The following PRKG1 variants were observed in gnomAD, a reference collection of about 807,000 sequenced individuals.
The protein encoded by PRKG1 is protein kinase cGMP-dependent 1.
A neutral mutation model predicts 88.1 loss-of-function variants in PRKG1; 35 were observed. The observed-to-expected ratio is 0.40, with a 90% CI of 0.30 to 0.53. PRKG1 has a LOEUF of 0.53. PRKG1 is among the 20% of genes least tolerant of loss of function. PRKG1 has a pLI of 0.59. For synonymous variants in PRKG1, 303 were observed against 292.5 expected (o/e 1.04, Z -0.37); for missense variants, 540 against 839.8 (o/e 0.64, Z 4.41).
chr10:51,699,982 A>G (rs1193212621), intron 3 of PRKG1, among the ~76,000 whole-genome samples: 2 of 152,256 alleles, frequency 1.3e-5, no homozygotes, highest in Non-Finnish European at 2.9e-5. Context: ...AAGCGGATTT[A>G]AGGCGGCGTG....
chr10:51,604,295 C>T (rs1392314172), intron 3 of PRKG1, among the ~76,000 whole-genome samples: 1 of 152,098 alleles, frequency 6.6e-6, no homozygotes, highest in Non-Finnish European at 1.5e-5. Flanking sequence ...CTGAAACTTG[C>T]TCTGATTCTT....
intron 2 of PRKG1, among the ~76,000 whole-genome samples, chr10:51,356,057 C>T (rs1486198226): frequency 2.0e-5 from 3 of 151,996 alleles, no homozygotes; most frequent in Non-Finnish European, 2.9e-5. Context: ...TAACATTTTT[C>T]CTCCCATCAT....
intron 2 of PRKG1, among the ~76,000 whole-genome samples, chr10:51,454,568 A>G (rs995403737): frequency 6.6e-6 from 1 of 152,204 alleles, no homozygotes; most frequent in African/African-American, 2.4e-5. Flanking sequence ...TTATAAGGAA[A>G]AGAGGTTTAA....
Position 52,268,810 on chromosome 10 carries a change from A to G in PRKG1, c.1174-2540A>G, listed in dbSNP as rs140352230. ...GAAAAAGCAACATTTGATTTGCCCT[A>G]TTCAGTAGAGATTGCTGGGTACAAG... On this transcript the variant is annotated intron_variant, in intron 10 of 17. Coordinates refer to ENST00000373980, the MANE Select transcript of PRKG1 (RefSeq NM_006258.4). Among the ~76,000 whole-genome samples the G allele has an allele frequency of 6.4e-3, 970 of 152,156 alleles. 12 individuals are homozygous for G. The highest frequency in any genetic ancestry group is 0.022 in the African/African-American group (927 of 41,542).
intron 2 of PRKG1, among the ~76,000 whole-genome samples, chr10:51,357,715 G>GA (rs889760944): frequency 3.5e-4 from 53 of 151,736 alleles, no homozygotes; most frequent in African/African-American, 1.3e-3. Flanking sequence ...ACTTTAATGA[G>GA]AAAAAAAATT....
chr10:51,579,076 G>T (rs550848133), intron 3 of PRKG1, among the ~76,000 whole-genome samples: 1 of 148,284 alleles, frequency 6.7e-6, no homozygotes, highest in African/African-American at 2.5e-5. Flanking sequence ...CTGCCTCCTG[G>T]GTTCAAGCGA....
At chr10:51,733,158 T>C (rs1458342888) in intron 3 of PRKG1, among the ~76,000 whole-genome samples, 2 of 152,206 alleles carry the variant, frequency 1.3e-5, no homozygotes, top group Non-Finnish European at 2.9e-5. Context: ...ATGACCTAAT[T>C]ACTTCTCAAA....
chr10:51,447,470 G>A (rs987081580), intron 2 of PRKG1, among the ~76,000 whole-genome samples: 1 of 151,956 alleles, frequency 6.6e-6, no homozygotes, highest in Non-Finnish European at 1.5e-5. Flanking sequence ...AGTTCTAATG[G>A]CCAACACAAA....
intron 3 of PRKG1, among the ~76,000 whole-genome samples, chr10:51,772,297 C>A (rs1285919748): frequency 1.3e-5 from 2 of 151,986 alleles, no homozygotes; most frequent in African/African-American, 4.8e-5. Context: ...AATAAGTGTG[C>A]AAAGGTATGT....
chr10:51,939,711 A>G (rs1013711651), intron 5 of PRKG1, among the ~76,000 whole-genome samples: 2 of 151,784 alleles, frequency 1.3e-5, no homozygotes, highest in Admixed American at 6.6e-5. Flanking sequence ...AAATATGTTG[A>G]GTGGCCATGA....
At chr10:51,859,545 A>G (rs1173231381) in intron 4 of PRKG1, among the ~76,000 whole-genome samples, 6 of 152,064 alleles carry the variant, frequency 3.9e-5, no homozygotes, top group Non-Finnish European at 8.8e-5. Flanking sequence ...ATAAAAGAAA[A>G]AAAGAAACTC....
chr10:51,099,060 T>C (rs1198869074), intron 1 of PRKG1, among the ~76,000 whole-genome samples: 3 of 152,180 alleles, frequency 2.0e-5, no homozygotes, highest in Non-Finnish European at 4.4e-5. Context: ...GAACATTGCC[T>C]GAAGTTGCAC....
chr10:52,041,783 G>A (rs953679938), intron 5 of PRKG1, among the ~76,000 whole-genome samples: 12 of 151,780 alleles, frequency 7.9e-5, no homozygotes, highest in Non-Finnish European at 1.0e-4. Flanking sequence ...ATAATTTCTT[G>A]TGATCTTAAA....
At chr10:51,972,072 T>C (rs571574385) in intron 5 of PRKG1, among the ~76,000 whole-genome samples, 200 of 152,238 alleles carry the variant, frequency 1.3e-3, no homozygotes, top group Admixed American at 2.7e-3. Context: ...TCTTCTTCCC[T>C]CCCTCCAAGT....
intron 5 of PRKG1, among the ~76,000 whole-genome samples, chr10:51,980,977 T>C (rs2133108888): frequency 1.3e-5 from 2 of 152,322 alleles, no homozygotes; most frequent in Non-Finnish European, 1.5e-5. Context: ...TTTAGCCTGT[T>C]TACATTCAAG....
intron 3 of PRKG1, among the ~76,000 whole-genome samples, chr10:51,685,277 T>TCA (rs1840959280): frequency 6.6e-6 from 1 of 152,192 alleles, no homozygotes; most frequent in Non-Finnish European, 1.5e-5. Context: ...TGAGCTGTTG[T>TCA]GACTTAGGGC....
At chr10:52,003,783 A>G (rs769199937) in intron 5 of PRKG1, among the ~76,000 whole-genome samples, 1 of 152,172 alleles carries the variant, frequency 6.6e-6, no homozygotes, top group Non-Finnish European at 1.5e-5. Flanking sequence ...CAATTCCTCA[A>G]TCAATCCTGG....
chr10:52,047,339 T>A (rs1005804155), intron 5 of PRKG1, among the ~76,000 whole-genome samples: 8 of 152,136 alleles, frequency 5.3e-5, no homozygotes, highest in African/African-American at 1.9e-4. Flanking sequence ...AAATGGCCCA[T>A]TTATGACAAC....
intron 3 of PRKG1, among the ~76,000 whole-genome samples, chr10:51,750,227 T>C (rs7476537): frequency 0.83 from 126,833 of 152,114 alleles, 53,426 homozygotes; most frequent in African/African-American, 0.96. Context: ...TGAGCCACTG[T>C]GCCTGGCCTG....
Sources: gnomAD v4.1 joint callset for allele counts (sites outside exome capture counted in the v4.1 genomes callset) on GRCh38, gnomAD v4.1.1 for gene constraint, MANE v1.5 for transcripts, NCBI Gene and HGNC (gene_info 2026-07-23, HGNC 2026-07-21) for gene names.